Variants in LARGE1 observed in about 807,000 individuals in gnomAD.
The protein encoded by LARGE1 is LARGE xylosyl- and glucuronyltransferase 1.
Under a neutral mutation model 87.6 loss-of-function variants are expected in LARGE1, and 43 were observed. That is an observed-to-expected ratio of 0.49 (90% CI 0.38 to 0.63). The LOEUF is 0.63. Among genes scored for constraint, LARGE1 ranks in the 30% least tolerant of loss-of-function variants. The pLI is 0.00. For synonymous variants in LARGE1, 434 were observed against 394.6 expected, an observed-to-expected ratio of 1.10 and a Z score of -1.18; for missense variants, 802 against 1,000.2, an observed-to-expected ratio of 0.80 and a Z score of 2.67.
At chr22:33,857,555 T>C (rs995680314) in intron 1 of LARGE1, among the ~76,000 whole-genome samples, 2 of 152,246 alleles carry the variant, frequency 1.3e-5, no homozygotes, top group Admixed American at 1.3e-4. Context: ...TAGTAATTAA[T>C]GCTCTCCTAG....
intron 13 of LARGE1, among the ~76,000 whole-genome samples, chr22:33,282,313 C>G (rs1049362537): frequency 8.5e-5 from 13 of 152,316 alleles, no homozygotes; most frequent in Non-Finnish European, 1.8e-4. Flanking sequence ...CCATTGCACT[C>G]CAGCCTGGGC....
intron 1 of LARGE1, among the ~76,000 whole-genome samples, chr22:33,880,961 T>C (rs1054346709): frequency 6.6e-6 from 1 of 152,210 alleles, no homozygotes; most frequent in African/African-American, 2.4e-5. Context: ...TATGTTAATG[T>C]ACTTTTTAGC....
intron 9 of LARGE1, among the ~76,000 whole-genome samples, chr22:33,380,825 C>T (rs1191566887): frequency 6.6e-6 from 1 of 152,210 alleles, no homozygotes; most frequent in Non-Finnish European, 1.5e-5. Flanking sequence ...ATCTAATCCT[C>T]TGTGATACAA....
At chr22:33,281,023 G>A (rs1031962368) in intron 13 of LARGE1, among the ~76,000 whole-genome samples, 2 of 152,160 alleles carry the variant, frequency 1.3e-5, no homozygotes, top group African/African-American at 4.8e-5. Context: ...CTCATTCCAG[G>A]TGTGGTAGGG....
chr22:33,127,874 T>G, the LARGE1 span, among the ~76,000 whole-genome samples: 1 of 152,208 alleles, frequency 6.6e-6, no homozygotes, highest in Non-Finnish European at 1.5e-5. Context: ...ATTTCAGACA[T>G]CTATCTTGAA....
intron 6 of LARGE1, among the ~76,000 whole-genome samples, chr22:33,474,083 A>G (rs1258136601): frequency 6.6e-6 from 1 of 152,248 alleles, no homozygotes; most frequent in African/African-American, 2.4e-5. Flanking sequence ...CAAGGTTACT[A>G]AATCTGGATA....
chr22:33,307,644 G>A (rs1417121382), intron 11 of LARGE1, among the ~76,000 whole-genome samples: 6 of 152,096 alleles, frequency 3.9e-5, no homozygotes, highest in Non-Finnish European at 8.8e-5. Context: ...AAGGGGCCTG[G>A]GCACCGGCAT....
At chr22:33,236,230 A>G (rs751876942) in intron 11 of LARGE1, among the ~76,000 whole-genome samples, 22 of 152,190 alleles carry the variant, frequency 1.4e-4, no homozygotes, top group Non-Finnish European at 3.1e-4. Flanking sequence ...CCCAGTTTGC[A>G]TGACAGCCCT....
chr22:33,164,316 T>C (rs902448235), exon 12 of LARGE1: 1 of 152,132 alleles, frequency 6.6e-6, no homozygotes, highest in African/African-American at 2.4e-5. Flanking sequence ...TTCTCATAGA[T>C]TCCCAGGAGC....
At chr22:33,293,181 C>T (rs968016722) in intron 12 of LARGE1, among the ~76,000 whole-genome samples, 1 of 152,148 alleles carries the variant, frequency 6.6e-6, no homozygotes, top group Non-Finnish European at 1.5e-5. Flanking sequence ...GCTCTGATAA[C>T]GAGAAAGCAT....
At chr22:33,402,107 T>C (rs538864443) in intron 7 of LARGE1, among the ~76,000 whole-genome samples, 3 of 152,352 alleles carry the variant, frequency 2.0e-5, no homozygotes, top group East Asian at 1.9e-4. Flanking sequence ...TTTATGCTTG[T>C]TTTTACAAAC....
At chr22:33,370,400 G>GAA (rs2064764063) in intron 9 of LARGE1, among the ~76,000 whole-genome samples, 1 of 152,020 alleles carries the variant, frequency 6.6e-6, no homozygotes, top group African/African-American at 2.4e-5. Flanking sequence ...AAACTCATTT[G>GAA]AAGCTGAAGA....
At chr22:33,688,264 G>A (rs1011252641) in intron 2 of LARGE1, among the ~76,000 whole-genome samples, 1 of 152,190 alleles carries the variant, frequency 6.6e-6, no homozygotes, top group African/African-American at 2.4e-5. Context: ...TGGAAACAGT[G>A]CTAGCCCATA....
At chr22:33,774,833 T>C (rs1218241249) in intron 1 of LARGE1, among the ~76,000 whole-genome samples, 1 of 152,210 alleles carries the variant, frequency 6.6e-6, no homozygotes, top group African/African-American at 2.4e-5. Flanking sequence ...GTAGCCACGC[T>C]TCAGGTGCTT....
intron 9 of LARGE1, among the ~76,000 whole-genome samples, chr22:33,362,787 A>T (rs1601589845): frequency 6.7e-6 from 1 of 150,182 alleles, no homozygotes; most frequent in South Asian, 2.2e-4. Flanking sequence ...GTCCCTAAAC[A>T]AATTTGCTTT....
At chr22:33,360,169 C>T (rs532814040) in intron 9 of LARGE1, among the ~76,000 whole-genome samples, 1 of 149,126 alleles carries the variant, frequency 6.7e-6, no homozygotes, top group Non-Finnish European at 1.5e-5. Context: ...AAAAATTAGC[C>T]AGGCGTAGTG....
At chr22:33,643,259 A>G (rs1468631583) in intron 3 of LARGE1, among the ~76,000 whole-genome samples, 2 of 152,236 alleles carry the variant, frequency 1.3e-5, no homozygotes, top group Non-Finnish European at 2.9e-5. Flanking sequence ...AAACTGCACA[A>G]CTACATGGAA....
the LARGE1 span, among the ~76,000 whole-genome samples, chr22:33,093,229 C>T: frequency 2.0e-5 from 3 of 152,184 alleles, no homozygotes; most frequent in Admixed American, 6.5e-5. Flanking sequence ...TCATCTAAAG[C>T]TGATGATAAG....
chr22:33,206,248 G>A (rs1387372370), intron 11 of LARGE1, among the ~76,000 whole-genome samples: 2 of 151,862 alleles, frequency 1.3e-5, no homozygotes, highest in African/African-American at 2.4e-5. Flanking sequence ...GAGCCACTGC[G>A]CCCGGCCTAA....
Sources: gnomAD v4.1 joint callset for allele counts (sites outside exome capture counted in the v4.1 genomes callset) on GRCh38, gnomAD v4.1.1 for gene constraint, MANE v1.5 for transcripts, NCBI Gene and HGNC (gene_info 2026-07-23, HGNC 2026-07-21) for gene names.